CST4: variants seen among roughly 807,000 people sequenced by gnomAD.
CST4 encodes cystatin S.
In CST4, 17 loss-of-function variants were observed where a neutral mutation model predicts 11.2. That is an observed-to-expected ratio of 1.52 (90% CI 1.04 to 2.27). CST4 has a LOEUF of 2.27. CST4 is among the 30% of genes most tolerant of loss of function. CST4 has a pLI of 0.00. For synonymous variants in CST4, 93 were observed against 70.1 expected, an observed-to-expected ratio of 1.33 and a Z score of -1.63; for missense variants, 251 against 180.2, an observed-to-expected ratio of 1.39 and a Z score of -2.25.
intron 2 of CST4, among the ~76,000 whole-genome samples, 195 bp downstream of exon 2, chr20:23,686,893 C>T (rs1219063621): frequency 6.6e-6 from 1 of 152,144 alleles, no homozygotes; most frequent in Non-Finnish European, 1.5e-5. Context: ...TGTGTACACA[C>T]GTGCACCTTT....
At chr20:23,687,759 A>C (rs1341442424) in intron 1 of CST4, among the ~76,000 whole-genome samples, 1 of 152,196 alleles carries the variant, frequency 6.6e-6, no homozygotes, top group Admixed American at 6.5e-5. Flanking sequence ...GCTGTGGAGA[A>C]ACCTGGGATG....
chr20:23,689,027 G>C lies in CST4; in HGVS notation c.-58C>G. The C allele has an allele frequency of 1.3e-6, 2 of 1,534,534 alleles. No individual in the cohort carries two copies. The highest frequency in any genetic ancestry group is 1.8e-6 in the Non-Finnish European group (2 of 1,119,514). On this transcript the variant is annotated 5_prime_UTR_variant, in exon 1 of 3. Coordinates refer to ENST00000217423, the MANE Select transcript of CST4 (RefSeq NM_001899.3). ...CTGCAGGAGAGGAGGGTGAGAGCCC[G>C]AGGCAGGGAGCCCAGACCAGCAGGC...
chr20:23,688,816 T>G lies in CST4; in HGVS notation c.154A>C (p.Ile52Leu). The G allele has an allele frequency of 6.2e-7, 1 of 1,614,182 alleles. No homozygotes were observed. Among genetic ancestry groups the G allele is most frequent in the Non-Finnish European group, 8.5e-7 (1 of 1,180,022 alleles). ...TCGGTGGCCTTGTTGTACTCGCTGA[T>G]GGCGAAGTGAAGGGCACGCTGTACC... ...EWVQRALHFA[I>L]SEYNKATEDE... Residue 52 changes from isoleucine to leucine, a missense_variant, in exon 1 of 3, where the codon ATC becomes CTC. Physicochemically the swap from Ile to Leu is conservative, Grantham distance 5. Transcript: ENST00000217423.
At chr20:23,687,035 T>C in intron 2 of CST4, 53 bp downstream of exon 2, 6 of 1,607,600 alleles carry the variant, frequency 3.7e-6, no homozygotes, top group Non-Finnish European at 5.1e-6. Context: ...GGCTGACACA[T>C]ACGCACCCCT....
chr20:23,686,705 C>T (rs1319823625), intron 2 of CST4, among the ~76,000 whole-genome samples: 1 of 152,082 alleles, frequency 6.6e-6, no homozygotes, highest in African/African-American at 2.4e-5. Context: ...GCCTTCCTAG[C>T]AAATCAAACA....
At position 23,688,811 on chromosome 20, in the gene CST4, G is replaced by T; in HGVS notation, c.159C>A (p.Ser53Arg). 6.2e-7 allele frequency: 1 copy of T among 1,614,154 alleles called. No individual in the cohort carries two copies. The highest frequency in any genetic ancestry group is 1.1e-5 in the South Asian group (1 of 91,086). Reference protein sequence around the residue: ...WVQRALHFAISEYNKATEDEY... With the variant: ...WVQRALHFAIREYNKATEDEY... ...CATCTTCGGTGGCCTTGTTGTACTC[G>T]CTGATGGCGAAGTGAAGGGCACGCT... Residue 53 changes from serine to arginine, a missense_variant, in exon 1 of 3, where the codon AGC becomes AGA. Coordinates refer to ENST00000217423, the MANE Select transcript of CST4 (RefSeq NM_001899.3).
Position 23,688,963 on chromosome 20 carries a change from G to A in CST4, c.7C>T (p.Arg3Trp), listed in dbSNP as rs372320833. ...AGGAGTAGCAGGGTACACAGAGGCC[G>A]GGCCATGGTCTCCTCAGAGGCAGAG... MA[R>W]PLCTLLLLMA... The change falls in exon 1 of 3, where the codon CGG (arginine) becomes TGG (tryptophan). Residue 3 changes from arginine to tryptophan, a missense_variant. By Grantham distance (101) the Arg-to-Trp change is moderately radical (BLOSUM62 -3). Coordinates refer to ENST00000217423, the MANE Select transcript of CST4 (RefSeq NM_001899.3). The A allele has an allele frequency of 3.5e-5, 57 of 1,613,762 alleles. No homozygotes were observed. In the Middle Eastern group the frequency reaches 4.9e-4, roughly 14 times the overall value.
At position 23,688,952 on chromosome 20, in the gene CST4, A is replaced by T. The variant is rs201864308; in HGVS notation, c.18T>A (p.Cys6Ter). Residue 6 changes from cysteine to a stop codon, truncating the protein, a stop_gained, in exon 1 of 3, where the codon TGT (cysteine) becomes TGA (stop). Coordinates refer to ENST00000217423, the MANE Select transcript of CST4 (RefSeq NM_001899.3). LOFTEE classifies it high-confidence loss of function. Reference sequence around the variant, plus strand: ...GGGTAGCCATCAGGAGTAGCAGGGTACACAGAGGCCGGGCCATGGTCTCCT... The same window carrying T: ...GGGTAGCCATCAGGAGTAGCAGGGTTCACAGAGGCCGGGCCATGGTCTCCT... MARPL[C>*]TLLLLMATLA... The T allele has an allele frequency of 3.1e-6, 5 of 1,613,942 alleles. No individual in the cohort carries two copies. In the East Asian group the frequency reaches 6.7e-5, roughly 22 times the overall value.
At position 23,688,651 on chromosome 20, in the gene CST4, G is replaced by C. The variant is rs571730818; in HGVS notation, c.228+91C>G. 4 of 1,155,612 alleles carry C rather than the reference G, an allele frequency of 3.5e-6. No individual in the cohort carries two copies. The African/African-American group carries it at 6.0e-5, about 17-fold the overall frequency. The allele number at this position is 1,155,612 out of a possible 1,614,324, so 71.6% of individuals were successfully genotyped here. On this transcript the variant is annotated intron_variant, in intron 1 of 2. Transcript: ENST00000217423. ...TGAATCTGAGCATTAGATCATGAAT[G>C]TGTCAGTGTTGATTTGCTTGGAATG...
At position 23,686,083 on chromosome 20, in the gene CST4, A is replaced by T. The variant is rs139897903; in HGVS notation, c.343-106T>A. 2,093 of 1,189,116 alleles carry T rather than the reference A, an allele frequency of 1.8e-3. 38 individuals are homozygous for T. The East Asian group carries it at 0.043, about 24-fold the overall frequency. The allele number at this position is 1,189,116 out of a possible 1,614,324, so 73.7% of individuals were successfully genotyped here. A position where few individuals can be genotyped will look rare whatever the true frequency, so the allele number is the denominator to read the frequency against. ...TGGGTGAGGAGGATGGAGGTGAGAC[A>T]CTGCACCCTCACCCACCCCTGCTGA... On this transcript the variant is annotated intron_variant, in intron 2 of 2. Transcript: ENST00000217423.
rs566705538 is a variant in CST4 at position 23,687,158 on chromosome 20, C to G, written c.272G>C (p.Arg91Pro). Residue 91 changes from arginine (R) to proline (P), a missense_variant, in exon 2 of 3, where the codon CGC becomes CCC. Arg to Pro is a moderately radical substitution (Grantham distance 103). Coordinates refer to ENST00000217423, the MANE Select transcript of CST4 (RefSeq NM_001899.3). ...VNYFFDVEVGRTICTKSQPNL... is the reference protein window; with the variant it reads ...VNYFFDVEVGPTICTKSQPNL... ...GGGCTGGGACTTGGTACATATGGTG[C>G]GGCCCACCTCTACGTCGAAGAAGTA... 5.0e-6 allele frequency: 8 copies of G among 1,614,080 alleles called. No individual in the cohort carries two copies. The highest frequency in any genetic ancestry group is 6.8e-6 in the Non-Finnish European group (8 of 1,180,016).
chr20:23,685,841 C>T lies in CST4; in HGVS notation c.*53G>A. The T allele has an allele frequency of 1.3e-6, 2 of 1,591,716 alleles. No homozygotes were observed. The highest frequency in any genetic ancestry group is 1.1e-5 in the South Asian group (1 of 90,330). On this transcript the variant is annotated 3_prime_UTR_variant, in exon 3 of 3. Coordinates refer to ENST00000217423, the MANE Select transcript of CST4 (RefSeq NM_001899.3). ...GGCCACCAGTCCAGGGGTGGGAGCA[C>T]TACAGTGGGTGGGAGTGGGTGGTGG... is the stretch of plus-strand genomic sequence containing the variant.
rs1043740546 is a variant in CST4 at position 23,685,805 on chromosome 20, C to T, written c.*89G>A. On this transcript the variant is annotated 3_prime_UTR_variant, in exon 3 of 3. Transcript: ENST00000217423. ...GGCACAGGCACATGGGGAGGCCTCC[C>T]GCAGGGTGGGGGCCACCAGTCCAGG... 2.0e-5 allele frequency: 28 copies of T among 1,412,798 alleles called. No individual in the cohort carries two copies. The highest frequency in any genetic ancestry group is 2.5e-5 in the Non-Finnish European group (25 of 1,010,928). The allele number at this position is 1,412,798 out of a possible 1,614,324, so 87.5% of individuals were successfully genotyped here.
chr20:23,687,732 A>G (rs1981094645), intron 1 of CST4, among the ~76,000 whole-genome samples: 1 of 152,214 alleles, frequency 6.6e-6, no homozygotes. Context: ...GGCCTCTCCC[A>G]GACACTACGT....
intron 1 of CST4, among the ~76,000 whole-genome samples, chr20:23,687,738 T>A (rs1390143998): frequency 6.6e-6 from 1 of 152,192 alleles, no homozygotes; most frequent in Non-Finnish European, 1.5e-5. Context: ...TCCCAGACAC[T>A]ACGTGGCAGA....
chr20:23,688,947 A>T lies in CST4; in HGVS notation c.23T>A (p.Leu8Gln), dbSNP rs73902131. The T allele has an allele frequency of 5.1e-3, 8,277 of 1,614,052 alleles. 364 individuals are homozygous for T. The African/African-American group carries it at 0.098, about 19-fold the overall frequency. MARPLCTLLLLMATLAGA... is the reference protein window; with the variant it reads MARPLCTQLLLMATLAGA... ...AGCCAGGGTAGCCATCAGGAGTAGC[A>T]GGGTACACAGAGGCCGGGCCATGGT... The change falls in exon 1 of 3, where the codon CTG becomes CAG. Residue 8 changes from leucine to glutamine, a missense_variant. Physicochemically the swap from Leu to Gln is moderately radical, Grantham distance 113. Transcript: ENST00000217423.
At chr20:23,686,668 C>T (rs1399165630) in intron 2 of CST4, among the ~76,000 whole-genome samples, 2 of 152,134 alleles carry the variant, frequency 1.3e-5, no homozygotes, top group African/African-American at 4.8e-5. Flanking sequence ...AGGCAGTTGA[C>T]CTTCTAGTAA....
chr20:23,688,837 G>C lies in CST4; in HGVS notation c.133C>G (p.Gln45Glu), dbSNP rs778066766. ...YDADLNDEWV[Q>E]RALHFAISEY... ...CTGATGGCGAAGTGAAGGGCACGCTGTACCCACTCATCATTGAGGTCTGCA... is the reference window on the plus strand; with the variant it reads ...CTGATGGCGAAGTGAAGGGCACGCTCTACCCACTCATCATTGAGGTCTGCA... The change falls in exon 1 of 3, where the codon CAG (glutamine) becomes GAG (glutamate). Residue 45 changes from glutamine to glutamate, a missense_variant. By Grantham distance (29) the Gln-to-Glu change is conservative (BLOSUM62 2). Transcript: ENST00000217423. The C allele has an allele frequency of 1.9e-6, 3 of 1,614,178 alleles. No individual in the cohort carries two copies. In the South Asian group the frequency reaches 3.3e-5, roughly 18 times the overall value.
At chr20:23,686,657 C>T (rs1981051708) in intron 2 of CST4, among the ~76,000 whole-genome samples, 1 of 152,164 alleles carries the variant, frequency 6.6e-6, no homozygotes, top group East Asian at 1.9e-4. Flanking sequence ...CACCCCAAAG[C>T]AGGCAGTTGA....
Sources: gnomAD v4.1 joint callset for allele counts (sites outside exome capture counted in the v4.1 genomes callset) on GRCh38, gnomAD v4.1.1 for gene constraint, MANE v1.5 for transcripts, NCBI Gene and HGNC (gene_info 2026-07-23, HGNC 2026-07-21) for gene names.